The following ZNF461 variants were observed in gnomAD, a reference collection of about 807,000 sequenced individuals.
ZNF461 encodes the protein zinc finger protein 461.
Under a neutral mutation model 18.3 loss-of-function variants are expected in ZNF461, and 16 were observed. The ratio of observed to expected loss-of-function variants is 0.88; its 90% confidence interval spans 0.59 to 1.33. The LOEUF is 1.33. ZNF461 is among the 40% of genes most tolerant of loss of function. The pLI, the probability that ZNF461 is intolerant of heterozygous loss-of-function variation, is 0.00. For missense variants in ZNF461, 595 were observed against 669.9 expected (o/e 0.89, Z 1.23); for synonymous variants, 179 against 216.9 (o/e 0.83, Z 1.54).
intron 5 of ZNF461, among the ~76,000 whole-genome samples, chr19:36,641,860 C>T (rs1030310388): frequency 6.6e-5 from 10 of 152,038 alleles, no homozygotes; most frequent in African/African-American, 2.4e-4. Flanking sequence ...TTATCTATAA[C>T]AAGCCACTCC....
At chr19:36,660,699 T>A (rs565888112) in intron 2 of ZNF461, among the ~76,000 whole-genome samples, 165 of 143,928 alleles carry the variant, frequency 1.1e-3, no homozygotes, top group African/African-American at 3.1e-3. Context: ...AGTTGATTTT[T>A]TTAAAAAAAA....
rs1040003705 is a variant in ZNF461, at chr19:36,640,022, G to A, written c.323C>T (p.Pro108Leu). ...ATCCCTTTTTGGAGATAACTTCTGG[G>A]GCTCATCTCTGGATGCCAAGTCTGA... is the stretch of plus-strand genomic sequence containing the variant. ...INADLASRDE[P>L]QKLSPKRDIY... The change falls in exon 6 of 6, where the codon CCC becomes CTC. Residue 108 changes from proline to leucine, a missense_variant. Physicochemically the swap from Pro to Leu is moderately conservative, Grantham distance 98. Coordinates refer to ENST00000588268, the MANE Select transcript of ZNF461 (RefSeq NM_153257.5). The A allele has an allele frequency of 5.0e-6, 8 of 1,607,928 alleles. No homozygotes were observed. In the African/African-American group the frequency reaches 5.4e-5, roughly 11 times the overall value.
chr19:36,643,011 C>T (rs1320286253), intron 5 of ZNF461, among the ~76,000 whole-genome samples: 5 of 152,134 alleles, frequency 3.3e-5, no homozygotes, highest in Non-Finnish European at 7.4e-5. Flanking sequence ...TCAGGCCATC[C>T]ACCCGCCTTG....
chr19:36,643,921 AAAAGAG>A, intron 4 of ZNF461, 59 bp from the exon 5 acceptor site: 1 of 1,289,130 alleles, frequency 7.8e-7, no homozygotes, highest in Non-Finnish European at 1.0e-6. Context: ...TTATACAATA[AAAAGAG>A]AATATCTATT....
At chr19:36,665,481 C>T (rs1021521137) in intron 1 of ZNF461, among the ~76,000 whole-genome samples, 2 of 152,104 alleles carry the variant, frequency 1.3e-5, no homozygotes, top group East Asian at 1.9e-4. Context: ...GAGGCAGATG[C>T]GGGCGGATCA....
At chr19:36,657,636 G>C (rs2037746938) in intron 3 of ZNF461, 1 of 151,892 alleles carries the variant, frequency 6.6e-6, no homozygotes, top group East Asian at 1.9e-4. Flanking sequence ...AAACTAGCCA[G>C]GCGTGTTGGC....
At chr19:36,644,824 T>G (rs2037495849) in intron 4 of ZNF461, among the ~76,000 whole-genome samples, 1 of 152,076 alleles carries the variant, frequency 6.6e-6, no homozygotes, top group African/African-American at 2.4e-5. Context: ...CTTGAACTCC[T>G]GGCCTCAAGT....
At chr19:36,654,956 T>C (rs1359780123) in intron 4 of ZNF461, among the ~76,000 whole-genome samples, 2 of 152,188 alleles carry the variant, frequency 1.3e-5, no homozygotes, top group African/African-American at 4.8e-5. Flanking sequence ...TAAAAATGTA[T>C]TCCCATCACC....
chr19:36,643,856 C>T lies in ZNF461; in HGVS notation c.239G>A (p.Trp80Ter). 1 of 1,523,808 alleles carries T rather than the reference C, an allele frequency of 6.6e-7. No individual in the cohort carries two copies. The highest frequency in any genetic ancestry group is 8.9e-7 in the Non-Finnish European group (1 of 1,129,476). 94.4% of individuals were successfully genotyped at this position (1,523,808 alleles called of 1,614,324 possible). Residue 80 changes from tryptophan (W) to a stop codon, truncating the protein, a stop_gained, in exon 5 of 6, where the codon TGG (tryptophan) becomes TAG (stop). Coordinates refer to ENST00000588268, the MANE Select transcript of ZNF461 (RefSeq NM_153257.5). LOFTEE classifies it high-confidence loss of function. ...EETGRWCPGT[W>*]KTWGFHNNFL... is the part of the protein sequence containing the mutation. ...ATTATTGTGAAATCCCCAAGTTTTC[C>T]ATGTACCTACATGGAAACAAAAGAA...
chr19:36,645,753 C>G (rs1053635624), intron 4 of ZNF461, among the ~76,000 whole-genome samples: 16 of 152,202 alleles, frequency 1.1e-4, no homozygotes, highest in African/African-American at 3.1e-4. Context: ...TGTGGATATT[C>G]AGAATCCACT....
rs1443565837 is a variant in ZNF461 at position 36,639,261 on chromosome 19, A to C, written c.1084T>G (p.Cys362Gly). 1 of 1,614,122 alleles carries C rather than the reference A, an allele frequency of 6.2e-7. No homozygotes were observed. Among genetic ancestry groups the C allele is most frequent in the Non-Finnish European group, 8.5e-7 (1 of 1,180,024 alleles). The stretch of plus-strand genomic sequence containing the variant: ...GAGCGATGCCTAAAAGTCTTTCCAC[A>C]TTCTTTACATTCATAAGGTTTCTCT... ...TGEKPYECKE[C>G]GKTFRHRSHL... The change falls in exon 6 of 6, where the codon TGT becomes GGT. Residue 362 changes from cysteine (C) to glycine (G), a missense_variant. Physicochemically the swap from Cys to Gly is radical, Grantham distance 159 (BLOSUM62 -3). Transcript: ENST00000588268.
intron 5 of ZNF461, 148 bp downstream of exon 5, chr19:36,643,646 A>G (rs1388412316): frequency 1.5e-6 from 1 of 656,792 alleles, no homozygotes; most frequent in Non-Finnish European, 2.2e-6. Context: ...ACATTCTGAA[A>G]TCTAACAGAA....
chr19:36,659,855 C>T (rs1016810646), intron 2 of ZNF461, among the ~76,000 whole-genome samples: 3 of 152,110 alleles, frequency 2.0e-5, no homozygotes, highest in African/African-American at 7.2e-5. Context: ...TATTTTCTGG[C>T]AAGATCTCCA....
Position 36,658,339 on chromosome 19 carries a change from C to T in ZNF461, c.96G>A (p.Lys32=), listed in dbSNP as rs2037759857. 2 of 1,611,012 alleles carry T rather than the reference C, an allele frequency of 1.2e-6. No individual in the cohort carries two copies. The highest frequency in any genetic ancestry group is 1.7e-4 in the Middle Eastern group (1 of 6,060). The change falls in exon 3 of 6, where the codon AAG becomes AAA. Residue 32 remains lysine, a synonymous_variant. Coordinates refer to ENST00000588268, the MANE Select transcript of ZNF461 (RefSeq NM_153257.5). The part of the protein sequence containing the change: ...CLNPAQRNLY[K]EVMLENYSNL... ...TGCTATAATTCTCCAACATCACCTC[C>T]TTGTACAAATTCCTCTGCGCTGGGT...
chr19:36,653,749 T>C (rs1453131452), intron 4 of ZNF461, among the ~76,000 whole-genome samples: 1 of 152,042 alleles, frequency 6.6e-6, no homozygotes, highest in African/African-American at 2.4e-5. Flanking sequence ...CCACAACACG[T>C]GGGAATTATG....
chr19:36,655,991 A>C (rs534091942), intron 4 of ZNF461, among the ~76,000 whole-genome samples: 190 of 149,492 alleles, frequency 1.3e-3, no homozygotes, highest in South Asian at 4.8e-3. Context: ...ATTCCTTTAG[A>C]ATATCTTTTT....
chr19:36,646,747 C>T lies in ZNF461; in HGVS notation c.233-2885G>A, dbSNP rs538057722. ...GAGATCCACGTGTCTTCTTTTAATC[C>T]AAGCATTAAAGAAACGTGCAAAAAA... is the stretch of plus-strand genomic sequence containing the variant. On this transcript the variant is annotated intron_variant, in intron 4 of 5. Transcript: ENST00000588268. 5.9e-5 allele frequency among the ~76,000 whole-genome samples: 9 copies of T among 152,146 alleles called. No homozygotes were observed. The South Asian group carries it at 1.9e-3, about 32-fold the overall frequency.
At chr19:36,657,062 C>A (rs954182582) in intron 3 of ZNF461, among the ~76,000 whole-genome samples, 3 of 151,880 alleles carry the variant, frequency 2.0e-5, no homozygotes, top group Non-Finnish European at 4.4e-5. Flanking sequence ...TCAGGTGATC[C>A]ACTTGCCTCA....
chr19:36,651,233 G>GAAA (rs34091845), intron 4 of ZNF461, among the ~76,000 whole-genome samples: 1 of 82,884 alleles, frequency 1.2e-5, no homozygotes, highest in Non-Finnish European at 2.3e-5. Context: ...TCCGTCTCAG[G>GAAA]AAAAAAAAAA....
Sources: allele counts gnomAD v4.1 joint callset (sites outside exome capture counted in the v4.1 genomes callset), GRCh38; gene constraint gnomAD v4.1.1; transcripts MANE v1.5; gene names NCBI Gene and HGNC (gene_info 2026-07-23, HGNC 2026-07-21).